Variants in TIMM23B observed in about 807,000 individuals in gnomAD.
TIMM23B encodes translocase of inner mitochondrial membrane 23 homolog B, also known as mitochondrial import inner membrane translocase subunit Tim23B.
A neutral mutation model predicts 27.3 loss-of-function variants in TIMM23B; 27 were observed. That is an observed-to-expected ratio of 0.99 (90% CI 0.73 to 1.36). The LOEUF is 1.36. Among genes scored for constraint, TIMM23B ranks in the 40% most tolerant of loss-of-function variants. The pLI, the probability that TIMM23B is intolerant of heterozygous loss-of-function variation, is 0.00. For missense variants in TIMM23B, 205 were observed against 244.2 expected (o/e 0.84, Z 1.07); for synonymous variants, 73 against 92.4 (o/e 0.79, Z 1.21).
chr10:49,956,994 G>C (rs1228584202), intron 5 of TIMM23B, among the ~76,000 whole-genome samples: 47,428 of 141,156 alleles, frequency 0.34, 10,893 homozygotes, highest in Non-Finnish European at 0.39. Flanking sequence ...GCAGTGGACA[G>C]CAGTTGGGTG....
chr10:49,952,861 T>C (rs1162998075), intron 4 of TIMM23B, among the ~76,000 whole-genome samples: 1 of 151,312 alleles, frequency 6.6e-6, no homozygotes, highest in Non-Finnish European at 1.5e-5. Flanking sequence ...TTTGGATTGT[T>C]TGGGGGCATG....
chr10:49,964,121 GA>G (rs1388015107), intron 6 of TIMM23B, among the ~76,000 whole-genome samples: 1 of 151,734 alleles, frequency 6.6e-6, no homozygotes, highest in Non-Finnish European at 1.5e-5. Flanking sequence ...ATGAAATGAA[GA>G]AATATGAAAT....
intron 2 of TIMM23B, among the ~76,000 whole-genome samples, chr10:49,951,835 C>T (rs1386027737): frequency 6.6e-6 from 1 of 152,158 alleles, no homozygotes; most frequent in Non-Finnish European, 1.5e-5. Context: ...TTCAGTGTTC[C>T]TTTCTCTAGA....
intron 1 of TIMM23B, among the ~76,000 whole-genome samples, chr10:49,943,623 A>C (rs1839242983): frequency 6.6e-6 from 1 of 151,850 alleles, no homozygotes; most frequent in Non-Finnish European, 1.5e-5. Context: ...TTGTTAAATT[A>C]ATTTGATTAA....
At chr10:49,964,569 GATGAAATGAAATA>G (rs1295463442) in intron 6 of TIMM23B, among the ~76,000 whole-genome samples, 17 of 150,680 alleles carry the variant, frequency 1.1e-4, no homozygotes, top group Admixed American at 7.9e-4. Flanking sequence ...GAAATGAAAT[GATGAAATGAAATA>G]ATGAAATGAA....
chr10:49,962,438 T>C (rs1433701521), intron 6 of TIMM23B, among the ~76,000 whole-genome samples: 1 of 152,074 alleles, frequency 6.6e-6, no homozygotes, highest in African/African-American at 2.4e-5. Flanking sequence ...CCTGACCTCA[T>C]GATCCGCCCA....
At chr10:49,945,570 C>G (rs1338696399) in intron 2 of TIMM23B, among the ~76,000 whole-genome samples, 1 of 152,046 alleles carries the variant, frequency 6.6e-6, no homozygotes, top group Non-Finnish European at 1.5e-5. Flanking sequence ...CAATAGAGAC[C>G]GGGTTTCACC....
intron 6 of TIMM23B, among the ~76,000 whole-genome samples, chr10:49,966,517 T>A (rs1564689340): frequency 6.6e-6 from 1 of 152,138 alleles, no homozygotes; most frequent in Non-Finnish European, 1.5e-5. Context: ...AGTTTCCATC[T>A]TGAAATGAAA....
At chr10:49,967,360 T>C (rs1319765909) in intron 6 of TIMM23B, among the ~76,000 whole-genome samples, 4 of 152,266 alleles carry the variant, frequency 2.6e-5, no homozygotes, top group Admixed American at 2.6e-4. Flanking sequence ...TCCAAATCCA[T>C]GAATCTGGAC....
chr10:49,963,651 G>T (rs1479202944), intron 6 of TIMM23B, among the ~76,000 whole-genome samples: 1 of 151,946 alleles, frequency 6.6e-6, no homozygotes, highest in East Asian at 1.9e-4. Flanking sequence ...ATGAAATAAT[G>T]AAACAAAATT....
At chr10:49,945,614 A>C (rs1839330759) in intron 2 of TIMM23B, among the ~76,000 whole-genome samples, 1 of 152,136 alleles carries the variant, frequency 6.6e-6, no homozygotes, top group Admixed American at 6.5e-5. Context: ...CTGGGATTAC[A>C]GGCAAAGTGT....
At chr10:49,968,840 A>T (rs1554855939) in intron 6 of TIMM23B, among the ~76,000 whole-genome samples, 1 of 152,164 alleles carries the variant, frequency 6.6e-6, no homozygotes, top group Non-Finnish European at 1.5e-5. Context: ...GTCTCAAAAA[A>T]AGAAATGTTA....
chr10:49,942,139 A>G lies in TIMM23B; in HGVS notation c.-56A>G, dbSNP rs1420488326. 1 of 1,542,024 alleles carries G rather than the reference A, an allele frequency of 6.5e-7. No individual in the cohort carries two copies. Among genetic ancestry groups the G allele is most frequent in the Non-Finnish European group, 8.8e-7 (1 of 1,138,796 alleles). On this transcript the variant is annotated 5_prime_UTR_variant, in exon 1 of 7. Transcript: ENST00000651259. ...CGCTGTTATTGAGGAGTAACGGCCC[A>G]GCGGACCACCCAGGCTTGAGGCAGC... is the stretch of plus-strand genomic sequence containing the variant.
intron 6 of TIMM23B, among the ~76,000 whole-genome samples, chr10:49,971,441 A>T (rs1199972623): frequency 6.6e-6 from 1 of 152,184 alleles, no homozygotes; most frequent in Non-Finnish European, 1.5e-5. Context: ...TAATTATTTT[A>T]AAACAAACAA....
chr10:49,945,095 G>A lies in TIMM23B; in HGVS notation c.165+5G>A. The A allele has an allele frequency of 1.2e-6, 2 of 1,611,598 alleles. No individual in the cohort carries two copies. Among genetic ancestry groups the A allele is most frequent in the Non-Finnish European group, 1.7e-6 (2 of 1,178,528 alleles). On this transcript the variant is annotated splice_donor_5th_base_variant and intron_variant, in intron 2 of 6. Coordinates refer to ENST00000651259, the MANE Select transcript of TIMM23B (RefSeq NM_001290117.2). ...GATCCACGATACCTCGTGCAGGTAA[G>A]ACTAAGATTTTACTAGTTTGGTGCA... is the stretch of plus-strand genomic sequence containing the variant.
At chr10:49,946,051 G>A (rs1257061186) in intron 2 of TIMM23B, among the ~76,000 whole-genome samples, 8 of 152,126 alleles carry the variant, frequency 5.3e-5, no homozygotes, top group South Asian at 2.1e-4. Context: ...TTAGCCAGGC[G>A]TGGTGGTGCC....
chr10:49,943,276 C>T (rs1188023239), intron 1 of TIMM23B: 23 of 151,990 alleles, frequency 1.5e-4, no homozygotes, highest in Non-Finnish European at 3.1e-4. Flanking sequence ...GGTGCGGTGG[C>T]ATGATTATAG....
At chr10:49,951,200 T>G in intron 2 of TIMM23B, among the ~76,000 whole-genome samples, 1 of 152,228 alleles carries the variant, frequency 6.6e-6, no homozygotes, top group East Asian at 1.9e-4. Context: ...AACCACAGTT[T>G]TCTGATTAGG....
At chr10:49,967,597 T>C (rs1306577117) in intron 6 of TIMM23B, among the ~76,000 whole-genome samples, 2 of 151,526 alleles carry the variant, frequency 1.3e-5, no homozygotes, top group African/African-American at 4.8e-5. Flanking sequence ...CTATTTGTCC[T>C]GTGACATAGA....
Sources: gnomAD v4.1 joint callset for allele counts (sites outside exome capture counted in the v4.1 genomes callset) on GRCh38, gnomAD v4.1.1 for gene constraint, MANE v1.5 for transcripts, NCBI Gene and HGNC (gene_info 2026-07-23, HGNC 2026-07-21) for gene names.